The following PPP1R12B variants were observed in gnomAD, a reference collection of about 807,000 sequenced individuals.
PPP1R12B encodes the protein protein phosphatase 1 regulatory subunit 12B.
A neutral mutation model predicts 126.1 loss-of-function variants in PPP1R12B; 76 were observed. That is an observed-to-expected ratio of 0.60 (90% CI 0.50 to 0.73). The LOEUF is 0.73. Ranked by LOEUF, PPP1R12B falls within the 30% of genes least tolerant of loss-of-function variation. PPP1R12B has a pLI of 0.00. For synonymous variants in PPP1R12B, 356 were observed against 434.7 expected (o/e 0.82, Z 2.25); for missense variants, 1,052 against 1,205.1 (o/e 0.87, Z 1.88).
chr1:202,445,150 G>A (rs1165481473), intron 12 of PPP1R12B: 43 of 1,246,664 alleles, frequency 3.4e-5, no homozygotes, highest in Middle Eastern at 3.1e-4. Flanking sequence ...TCTACCTCTC[G>A]GGGCAGCCAG....
At chr1:202,428,802 C>G (rs747370572) in intron 5 of PPP1R12B, 53 bp from the exon 6 acceptor site, 40 of 1,528,780 alleles carry the variant, frequency 2.6e-5, no homozygotes, top group Non-Finnish European at 3.5e-5. Flanking sequence ...AATAAAGTCA[C>G]GTAATTGCTG....
intron 1 of PPP1R12B, among the ~76,000 whole-genome samples, chr1:202,408,121 A>G (rs1571869863): frequency 2.0e-5 from 3 of 152,252 alleles, no homozygotes; most frequent in African/African-American, 7.2e-5. Flanking sequence ...TCTTGCAACC[A>G]GTTCCCCATG....
intron 10 of PPP1R12B, chr1:202,439,251 G>T: frequency 7.2e-7 from 1 of 1,383,918 alleles, no homozygotes; most frequent in Non-Finnish European, 1.0e-6. Context: ...CAATATCAAG[G>T]CTGTCCTCCA....
chr1:202,509,336 A>G (rs1681168482), intron 18 of PPP1R12B, among the ~76,000 whole-genome samples: 2 of 152,234 alleles, frequency 1.3e-5, no homozygotes, highest in African/African-American at 4.8e-5. Flanking sequence ...CCTGAATGAG[A>G]AAGTGAAGGA....
intron 1 of PPP1R12B, among the ~76,000 whole-genome samples, chr1:202,383,613 A>G (rs547679377): frequency 6.9e-4 from 105 of 152,180 alleles, no homozygotes; most frequent in African/African-American, 2.5e-3. Flanking sequence ...AATCACAGCT[A>G]TTCGGGAGGC....
At chr1:202,395,896 A>T (rs1308841273) in intron 1 of PPP1R12B, among the ~76,000 whole-genome samples, 1 of 152,200 alleles carries the variant, frequency 6.6e-6, no homozygotes, top group Admixed American at 6.5e-5. Flanking sequence ...CAAATAGTAT[A>T]CGTTTTTATC....
At chr1:202,551,494 G>A (rs1490915876) in intron 18 of PPP1R12B, among the ~76,000 whole-genome samples, 1 of 151,596 alleles carries the variant, frequency 6.6e-6, no homozygotes, top group Non-Finnish European at 1.5e-5. Flanking sequence ...TGCTATGGAT[G>A]TTTCTTTTAG....
At chr1:202,484,463 C>A (rs747320385) in intron 13 of PPP1R12B, among the ~76,000 whole-genome samples, 4 of 152,164 alleles carry the variant, frequency 2.6e-5, no homozygotes, top group Non-Finnish European at 5.9e-5. Context: ...GTAAGTGTCA[C>A]GGGTTTTGAC....
chr1:202,401,014 TA>T (rs1164716240), intron 1 of PPP1R12B, among the ~76,000 whole-genome samples: 1 of 152,226 alleles, frequency 6.6e-6, no homozygotes, highest in Admixed American at 6.5e-5. Flanking sequence ...TATTTTGTGA[TA>T]TGTGCAACTT....
intron 2 of PPP1R12B, among the ~76,000 whole-genome samples, chr1:202,422,123 TTTC>T (rs1227945876): frequency 7.2e-5 from 11 of 152,252 alleles, no homozygotes; most frequent in Non-Finnish European, 1.3e-4. Context: ...CATTTTAATA[TTTC>T]TTCTTAAGTA....
rs970711029 is a variant in PPP1R12B, at chr1:202,448,906, T to C, written c.1668-83T>C. ...GAGATTTCCTAGATGAACCACTCTT[T>C]AATCCTTCTGTCTCTGTGCCAGTGC... On this transcript the variant is annotated intron_variant, in intron 12 of 23. Coordinates refer to ENST00000608999, the MANE Select transcript of PPP1R12B (RefSeq NM_002481.4). 9.8e-6 allele frequency: 14 copies of C among 1,425,436 alleles called. No individual in the cohort carries two copies. The African/African-American group carries it at 2.0e-4, about 20-fold the overall frequency. 88.3% of individuals were successfully genotyped at this position (1,425,436 alleles called of 1,614,324 possible).
chr1:202,465,978 A>G (rs1306402288), intron 13 of PPP1R12B, among the ~76,000 whole-genome samples: 1 of 152,258 alleles, frequency 6.6e-6, no homozygotes, highest in Non-Finnish European at 1.5e-5. Flanking sequence ...TACAAAATTC[A>G]TAAACATTGG....
At chr1:202,555,535 T>A (rs1686837339) in intron 18 of PPP1R12B, among the ~76,000 whole-genome samples, 1 of 150,324 alleles carries the variant, frequency 6.7e-6, no homozygotes, top group Non-Finnish European at 1.5e-5. Context: ...AAAAGCATGA[T>A]TTAATTGTCA....
chr1:202,429,476 T>C (rs966787082), intron 6 of PPP1R12B, among the ~76,000 whole-genome samples: 13 of 152,250 alleles, frequency 8.5e-5, no homozygotes, highest in Non-Finnish European at 1.5e-4. Flanking sequence ...CTTTCTCTGC[T>C]CCTCATTTTG....
chr1:202,499,829 A>G (rs1173783584), intron 18 of PPP1R12B, among the ~76,000 whole-genome samples: 1 of 152,258 alleles, frequency 6.6e-6, no homozygotes, highest in Non-Finnish European at 1.5e-5. Flanking sequence ...CAACATTTAT[A>G]TACAGGTAAG....
intron 13 of PPP1R12B, among the ~76,000 whole-genome samples, chr1:202,472,903 T>C (rs938720684): frequency 6.6e-6 from 1 of 152,216 alleles, no homozygotes; most frequent in African/African-American, 2.4e-5. Flanking sequence ...TTCATTTATG[T>C]GTTGTCTGTG....
At position 202,580,557 on chromosome 1, in the gene PPP1R12B, G is replaced by C. The variant is rs200433666; in HGVS notation, c.2946G>C (p.Lys982Asn). 1.2e-6 allele frequency: 2 copies of C among 1,611,728 alleles called. No individual in the cohort carries two copies. Among genetic ancestry groups the C allele is most frequent in the African/African-American group, 1.3e-5 (1 of 75,002 alleles). The part of the protein sequence containing the change: ...ALIRVISKLS[K>N] Reference sequence around the variant, plus strand: ...TCAGAGTCATCAGCAAACTGTCCAAGTAGGCTAGGCTCCAGATTTATGAGG... The same window carrying C: ...TCAGAGTCATCAGCAAACTGTCCAACTAGGCTAGGCTCCAGATTTATGAGG... The change falls in exon 24 of 24, where the codon AAG becomes AAC. Residue 982 changes from lysine (K) to asparagine (N), a missense_variant. Lys to Asn is a moderately conservative substitution (Grantham distance 94, BLOSUM62 0). Transcript: ENST00000608999.
intron 18 of PPP1R12B, among the ~76,000 whole-genome samples, chr1:202,557,626 G>A (rs1167952664): frequency 6.6e-6 from 1 of 152,162 alleles, no homozygotes; most frequent in Admixed American, 6.5e-5. Context: ...AACCAGGGCT[G>A]TACAGCAGAA....
At chr1:202,454,500 A>T (rs1364162907) in intron 13 of PPP1R12B, among the ~76,000 whole-genome samples, 9 of 152,380 alleles carry the variant, frequency 5.9e-5, no homozygotes, top group Non-Finnish European at 1.2e-4. Context: ...TACATCAGTG[A>T]ACCAGACAAA....
Sources: gnomAD v4.1 joint callset for allele counts (sites outside exome capture counted in the v4.1 genomes callset) on GRCh38, gnomAD v4.1.1 for gene constraint, MANE v1.5 for transcripts, NCBI Gene and HGNC (gene_info 2026-07-23, HGNC 2026-07-21) for gene names.